The following NTM variants were observed in gnomAD, a reference collection of about 807,000 sequenced individuals.
NTM encodes IgLON family member 2.
Under a neutral mutation model 42.1 loss-of-function variants are expected in NTM, and 13 were observed. The observed-to-expected ratio is 0.31, with a 90% CI of 0.20 to 0.49. NTM has a LOEUF of 0.49. Among genes scored for constraint, NTM ranks in the 20% least tolerant of loss-of-function variants. NTM has a pLI of 0.99. For synonymous variants in NTM, 187 were observed against 179.2 expected (o/e 1.04, Z -0.35); for missense variants, 373 against 452.8 (o/e 0.82, Z 1.60).
At position 132,336,190 on chromosome 11, in the gene NTM, T is replaced by A. The variant is rs1350565789; in HGVS notation, c.*1044T>A. Reference sequence around the variant, plus strand: ...TTATACAGTATATATATACATATATTTTTTTTGTTAGAGTTCTAGCCATTT... The same window carrying A: ...TTATACAGTATATATATACATATATATTTTTTGTTAGAGTTCTAGCCATTT... On this transcript the variant is annotated 3_prime_UTR_variant, in exon 9 of 9. Coordinates refer to ENST00000683400, the MANE Select transcript of NTM (RefSeq NM_001352005.2). 6.6e-6 allele frequency: 1 copy of A among 152,446 alleles called. No individual in the cohort carries two copies. The highest frequency in any genetic ancestry group is 1.9e-4 in the East Asian group (1 of 5,196). 9.4% of individuals were successfully genotyped at this position (152,446 alleles called of 1,614,324 possible).
intron 2 of NTM, among the ~76,000 whole-genome samples, chr11:131,994,434 T>A (rs2067613498): frequency 6.6e-6 from 1 of 152,184 alleles, no homozygotes; most frequent in Non-Finnish European, 1.5e-5. Flanking sequence ...TCAGGAGGGA[T>A]ATCTAACCTC....
intron 1 of NTM, among the ~76,000 whole-genome samples, chr11:131,508,967 A>T (rs959015918): frequency 1.3e-5 from 2 of 151,592 alleles, no homozygotes; most frequent in African/African-American, 4.9e-5. Context: ...GCGCACCAAC[A>T]TGGCACATGT....
intron 1 of NTM, among the ~76,000 whole-genome samples, chr11:131,835,965 A>G (rs1303417558): frequency 6.6e-6 from 1 of 152,188 alleles, no homozygotes; most frequent in African/African-American, 2.4e-5. Context: ...AAGAATTTAT[A>G]CCAAATGATT....
intron 2 of NTM, among the ~76,000 whole-genome samples, chr11:132,108,450 T>C (rs746534103): frequency 3.9e-5 from 6 of 152,162 alleles, no homozygotes; most frequent in Non-Finnish European, 8.8e-5. Context: ...ACAGACATCA[T>C]ATGTTCTCAC....
intron 2 of NTM, among the ~76,000 whole-genome samples, chr11:131,991,384 C>A (rs1014389330): frequency 6.6e-6 from 1 of 152,080 alleles, no homozygotes; most frequent in African/African-American, 2.4e-5. Flanking sequence ...CCTTTGACAT[C>A]TTCTTCTGAT....
intron 1 of NTM, among the ~76,000 whole-genome samples, chr11:131,470,584 A>G (rs768412379): frequency 2.0e-5 from 3 of 152,182 alleles, no homozygotes; most frequent in Non-Finnish European, 4.4e-5. Flanking sequence ...GGAAGGCTTG[A>G]AAGTTCAAAT....
rs1325677087 is a variant in NTM at position 132,330,147 on chromosome 11, T to C, written c.935-6T>C. Reference sequence around the variant, plus strand: ...TTAACAGTGGCTTGTTTTTAATTTCTTTTAGAAGTGAAAACTACAGCCCTG... The same window carrying C: ...TTAACAGTGGCTTGTTTTTAATTTCCTTTAGAAGTGAAAACTACAGCCCTG... On this transcript the variant is annotated splice_region_variant and splice_polypyrimidine_tract_variant and intron_variant, in intron 7 of 8. Coordinates refer to ENST00000683400, the MANE Select transcript of NTM (RefSeq NM_001352005.2). 1 of 1,551,598 alleles carries C rather than the reference T, an allele frequency of 6.4e-7. No homozygotes were observed. The highest frequency in any genetic ancestry group is 8.7e-7 in the Non-Finnish European group (1 of 1,146,984).
chr11:132,275,557 C>CAT (rs1415014573), intron 4 of NTM, among the ~76,000 whole-genome samples: 3 of 151,284 alleles, frequency 2.0e-5, no homozygotes, highest in Non-Finnish European at 4.4e-5. Flanking sequence ...CGCTTTTCCA[C>CAT]ATATATTGCA....
chr11:131,597,980 C>T (rs2059961716), intron 1 of NTM, among the ~76,000 whole-genome samples: 1 of 152,200 alleles, frequency 6.6e-6, no homozygotes, highest in South Asian at 2.1e-4. Flanking sequence ...GTCTGAGTGG[C>T]CCAGGCCCCA....
chr11:131,774,188 A>T (rs1171073104), intron 1 of NTM: 9 of 891,584 alleles, frequency 1.0e-5, no homozygotes, highest in Non-Finnish European at 1.2e-5. Flanking sequence ...CTTTATCTCC[A>T]TAGCCTTTAT....
At chr11:131,510,955 C>G (rs1182942157) in intron 1 of NTM, among the ~76,000 whole-genome samples, 1 of 152,214 alleles carries the variant, frequency 6.6e-6, no homozygotes, top group African/African-American at 2.4e-5. Flanking sequence ...TGTGGAAGGA[C>G]AGGGCCATAC....
chr11:131,758,043 G>C (rs2083567575), intron 1 of NTM, among the ~76,000 whole-genome samples: 1 of 152,170 alleles, frequency 6.6e-6, no homozygotes, highest in Non-Finnish European at 1.5e-5. Context: ...ATCTCCAGAT[G>C]GTCACCGGAC....
intron 7 of NTM, chr11:132,317,761 G>A (rs1390356516): frequency 2.2e-6 from 2 of 903,596 alleles, no homozygotes; most frequent in Non-Finnish European, 3.2e-6. Context: ...CCCCTGCTGT[G>A]CATTACCCGA....
At chr11:131,984,373 G>A (rs2065743239) in intron 2 of NTM, 1 of 152,226 alleles carries the variant, frequency 6.6e-6, no homozygotes, top group African/African-American at 2.4e-5. Flanking sequence ...GAAAATGGAA[G>A]CATTGAAGAT....
intron 2 of NTM, among the ~76,000 whole-genome samples, chr11:132,143,514 T>C (rs1011606383): frequency 1.3e-5 from 2 of 152,222 alleles, no homozygotes; most frequent in African/African-American, 4.8e-5. Context: ...TTTCAGTCAA[T>C]ATGGCTAATG....
At chr11:131,591,289 TG>T (rs2059344673) in intron 1 of NTM, among the ~76,000 whole-genome samples, 3 of 152,140 alleles carry the variant, frequency 2.0e-5, no homozygotes, top group African/African-American at 7.2e-5. Context: ...GGGGCCCTCC[TG>T]GGGGGCCCAG....
rs567709086 is a variant in NTM at position 132,224,646 on chromosome 11, G to A, written c.526+12499G>A. Among the ~76,000 whole-genome samples, 3 of 152,308 alleles carry A rather than the reference G, an allele frequency of 2.0e-5. No homozygotes were observed. In the South Asian group the frequency reaches 6.2e-4, roughly 32 times the overall value. ...AAGGTACAGCAGTGGCAGTAAGTGG[G>A]TAGCTCTCCATAGGCCAAGTCTTCC... is the stretch of plus-strand genomic sequence containing the variant. On this transcript the variant is annotated intron_variant, in intron 4 of 8. Coordinates refer to ENST00000683400, the MANE Select transcript of NTM (RefSeq NM_001352005.2).
At chr11:132,201,005 T>G (rs2081077114) in intron 3 of NTM, among the ~76,000 whole-genome samples, 1 of 152,170 alleles carries the variant, frequency 6.6e-6, no homozygotes, top group Non-Finnish European at 1.5e-5. Context: ...ATGTTTTTTC[T>G]CTCTGTGAAG....
chr11:132,046,423 CA>C (rs1440770534), intron 2 of NTM, among the ~76,000 whole-genome samples: 2 of 151,512 alleles, frequency 1.3e-5, no homozygotes, highest in Admixed American at 1.3e-4. Context: ...AACAACACAG[CA>C]ATTCTACTGG....
Sources: allele counts gnomAD v4.1 joint callset (sites outside exome capture counted in the v4.1 genomes callset), GRCh38; gene constraint gnomAD v4.1.1; transcripts MANE v1.5; gene names NCBI Gene and HGNC (gene_info 2026-07-23, HGNC 2026-07-21).